Variants in RASSF3 observed in about 807,000 individuals in gnomAD.
The protein encoded by RASSF3 is Ras association domain family member 3, also known as ras association domain-containing protein 3.
Under a neutral mutation model 19.9 loss-of-function variants are expected in RASSF3, and 19 were observed. The ratio of observed to expected loss-of-function variants is 0.96; its 90% CI spans 0.67 to 1.40. The LOEUF (loss-of-function observed/expected upper bound fraction) is 1.40. Ranked by LOEUF, RASSF3 falls within the 40% of genes most tolerant of loss-of-function variation. The pLI is 0.00. For missense variants in RASSF3, 306 were observed against 289.8 expected (o/e 1.06, Z -0.41); for synonymous variants, 110 against 104.2 (o/e 1.06, Z -0.34).
intron 2 of RASSF3, among the ~76,000 whole-genome samples, chr12:64,570,107 GCTGTTTCA>G (rs765794246): frequency 1.3e-4 from 20 of 152,122 alleles, no homozygotes; most frequent in Admixed American, 5.9e-4. Context: ...TTCCGCCTTG[GCTGTTTCA>G]GATTTGACCT....
At chr12:64,658,095 G>A (rs1477765330) in intron 1 of RASSF3, among the ~76,000 whole-genome samples, 2 of 152,108 alleles carry the variant, frequency 1.3e-5, no homozygotes, top group East Asian at 3.9e-4. Flanking sequence ...CTCCCCTGTG[G>A]TAGAAGTGTG....
intron 1 of RASSF3, among the ~76,000 whole-genome samples, chr12:64,515,082 A>T (rs1868353754): frequency 1.3e-5 from 2 of 150,908 alleles, no homozygotes; most frequent in Admixed American, 6.6e-5. Flanking sequence ...TTTGAGACAA[A>T]GTCTTTCTGT....
chr12:64,595,378 A>C (rs1054905045), intron 2 of RASSF3, among the ~76,000 whole-genome samples: 16 of 151,944 alleles, frequency 1.1e-4, no homozygotes, highest in African/African-American at 3.4e-4. Context: ...TCTTCATAAC[A>C]AATCTTACAA....
At chr12:64,641,531 C>G (rs1259568670) in intron 1 of RASSF3, among the ~76,000 whole-genome samples, 1 of 142,710 alleles carries the variant, frequency 7.0e-6, no homozygotes, top group Non-Finnish European at 1.5e-5. Flanking sequence ...GGTGGTGGCT[C>G]ATGCCTGTAA....
At chr12:64,604,965 T>A (rs1042589256) in intron 2 of RASSF3, among the ~76,000 whole-genome samples, 18 of 151,088 alleles carry the variant, frequency 1.2e-4, no homozygotes, top group African/African-American at 4.4e-4. Flanking sequence ...GTCATATATT[T>A]TTTTTTTAAT....
intron 2 of RASSF3, among the ~76,000 whole-genome samples, chr12:64,576,776 G>C (rs914700503): frequency 6.6e-6 from 1 of 151,604 alleles, no homozygotes; most frequent in Non-Finnish European, 1.5e-5. Context: ...GCCTCAGCCT[G>C]GGAGGTTGAG....
intron 2 of RASSF3, among the ~76,000 whole-genome samples, chr12:64,566,966 C>A (rs895547015): frequency 6.6e-6 from 1 of 152,142 alleles, no homozygotes; most frequent in African/African-American, 2.4e-5. Context: ...AAGGCTGAGA[C>A]CTTGAATCCT....
In RASSF3 at chr12:64,690,839, CT is replaced by C. The variant is rs139820152; in HGVS notation, c.458-621del. On this transcript the variant is annotated intron_variant, in intron 3 of 4. Transcript: ENST00000542104. ...CCCTTTTTTAGGTTTCTTATCTTGC[CT>C]TTTTTTTTTCATTTAAAAAAAATTT... 1.9e-4 allele frequency among the ~76,000 whole-genome samples: 27 copies of C among 141,410 alleles called. 1 individual carries two copies. Among genetic ancestry groups the C allele is most frequent in the Admixed American group, 6.4e-4 (9 of 14,164 alleles). 92.8% of individuals were successfully genotyped at this position (141,410 alleles called of 152,430 possible). A position where few individuals can be genotyped will look rare whatever the true frequency, so the allele number is the denominator to read the frequency against.
intron 1 of RASSF3, among the ~76,000 whole-genome samples, chr12:64,675,099 C>T (rs908704058): frequency 1.4e-5 from 2 of 140,680 alleles, no homozygotes; most frequent in Non-Finnish European, 3.0e-5. Flanking sequence ...CCTCAAGGAC[C>T]AAGAAAGAGG....
intron 1 of RASSF3, among the ~76,000 whole-genome samples, chr12:64,642,345 A>G (rs1871565337): frequency 6.6e-6 from 1 of 151,924 alleles, no homozygotes; most frequent in Admixed American, 6.6e-5. Context: ...AGATCACCTA[A>G]GGTCAGGAGT....
chr12:64,589,204 C>T (rs1869871397), intron 2 of RASSF3, among the ~76,000 whole-genome samples: 1 of 152,242 alleles, frequency 6.6e-6, no homozygotes, highest in African/African-American at 2.4e-5. Flanking sequence ...AATCCCAGCA[C>T]TTTGGGAGGC....
At chr12:64,548,506 T>C (rs1354815466) in intron 2 of RASSF3, among the ~76,000 whole-genome samples, 1 of 152,202 alleles carries the variant, frequency 6.6e-6, no homozygotes, top group Non-Finnish European at 1.5e-5. Context: ...TTTACTTCTT[T>C]TGGTGCATTT....
chr12:64,647,311 C>G (rs916979896), intron 1 of RASSF3, among the ~76,000 whole-genome samples: 1 of 151,852 alleles, frequency 6.6e-6, no homozygotes, highest in Non-Finnish European at 1.5e-5. Context: ...TGCCGTGGCA[C>G]GATCATGGCT....
intron 1 of RASSF3, among the ~76,000 whole-genome samples, chr12:64,616,397 G>A (rs1412117143): frequency 2.6e-5 from 4 of 152,002 alleles, no homozygotes; most frequent in Non-Finnish European, 5.9e-5. Flanking sequence ...TTCTTTTTCT[G>A]GGAGAAAAAA....
At chr12:64,560,193 A>G (rs1292446338) in intron 2 of RASSF3, among the ~76,000 whole-genome samples, 4 of 152,196 alleles carry the variant, frequency 2.6e-5, no homozygotes, top group Admixed American at 6.5e-5. Context: ...TCAGAGTCCC[A>G]GATTCCTCCA....
chr12:64,516,185 C>A (rs1012404285), intron 1 of RASSF3, among the ~76,000 whole-genome samples: 2 of 152,106 alleles, frequency 1.3e-5, no homozygotes, highest in African/African-American at 4.8e-5. Flanking sequence ...TAAAACCCAA[C>A]ATCAATGTCT....
intron 1 of RASSF3, among the ~76,000 whole-genome samples, chr12:64,627,924 T>G (rs1871047476): frequency 6.6e-6 from 1 of 152,204 alleles, no homozygotes; most frequent in African/African-American, 2.4e-5. Context: ...AATTACTGAT[T>G]GGAGGGAAAG....
intron 1 of RASSF3, among the ~76,000 whole-genome samples, chr12:64,647,249 A>AT (rs1555214123): frequency 6.6e-6 from 1 of 151,472 alleles, no homozygotes; most frequent in Admixed American, 6.6e-5. Context: ...TTATTTATTT[A>AT]TTTATTTTAT....
intron 4 of RASSF3, 68 bp downstream of exon 4, chr12:64,691,647 A>C: frequency 5.0e-6 from 3 of 594,086 alleles, no homozygotes; most frequent in Non-Finnish European, 7.5e-6. Flanking sequence ...GCAGTAGCCT[A>C]GTGACTTGGC....
Sources: gnomAD v4.1 joint callset for allele counts (sites outside exome capture counted in the v4.1 genomes callset) on GRCh38, gnomAD v4.1.1 for gene constraint, MANE v1.5 for transcripts, NCBI Gene and HGNC (gene_info 2026-07-23, HGNC 2026-07-21) for gene names.